Variants in TNS4 observed in about 807,000 individuals in gnomAD.
TNS4 encodes the protein tensin 4.
In TNS4, 46 loss-of-function variants were observed where a neutral mutation model predicts 70.4. The ratio of observed to expected loss-of-function variants is 0.65; its 90% CI spans 0.52 to 0.84. The LOEUF (loss-of-function observed/expected upper bound fraction) is 0.84. TNS4 is among the 40% of genes least tolerant of loss of function. The probability of loss-of-function intolerance (pLI) is 0.00; values close to 1 mark genes in which losing one functional copy is unlikely to be tolerated. For synonymous variants in TNS4, 390 were observed against 366.6 expected, an observed-to-expected ratio of 1.06 and a Z score of -0.73; for missense variants, 863 against 907.0, an observed-to-expected ratio of 0.95 and a Z score of 0.62.
At chr17:40,487,712 C>T (rs1456474230) in intron 3 of TNS4, among the ~76,000 whole-genome samples, 1 of 152,224 alleles carries the variant, frequency 6.6e-6, no homozygotes, top group Non-Finnish European at 1.5e-5. Flanking sequence ...CCCCTGCAGG[C>T]TTTGGGCATA....
chr17:40,501,145 G>A (rs1326530114), intron 1 of TNS4, among the ~76,000 whole-genome samples: 1 of 152,196 alleles, frequency 6.6e-6, no homozygotes, highest in Admixed American at 6.6e-5. Flanking sequence ...CTGAGAAATG[G>A]AGAAGCTGAA....
chr17:40,482,917 TG>T lies in TNS4; in HGVS notation c.1502-502del, dbSNP rs1278602390. 1.5e-4 allele frequency among the ~76,000 whole-genome samples: 23 copies of T among 151,390 alleles called. No individual in the cohort carries two copies. In the East Asian group the frequency reaches 4.1e-3, roughly 27 times the overall value. On this transcript the variant is annotated intron_variant, in intron 6 of 12. Coordinates refer to ENST00000254051, the MANE Select transcript of TNS4 (RefSeq NM_032865.6). ...TCTTCTTCTTTTTTTGGGGGTGGGGTGGGGAAACCTTTCTGCTGGTCAAGAG... is the reference window on the plus strand; with the variant it reads ...TCTTCTTCTTTTTTTGGGGGTGGGGTGGGAAACCTTTCTGCTGGTCAAGAG...
chr17:40,478,467 C>A, intron 11 of TNS4, 113 bp downstream of exon 11: 1 of 1,542,240 alleles, frequency 6.5e-7, no homozygotes, highest in Non-Finnish European at 8.9e-7. Flanking sequence ...TCACCCTGAC[C>A]CCTTGAGGTT....
chr17:40,484,517 G>T lies in TNS4; in HGVS notation c.1468C>A (p.Gln490Lys). The T allele has an allele frequency of 6.2e-7, 1 of 1,612,256 alleles. No individual in the cohort carries two copies. Among genetic ancestry groups the T allele is most frequent in the Non-Finnish European group, 8.5e-7 (1 of 1,179,998 alleles). Reference sequence around the variant, plus strand: ...CTCTGAGCAGACGCGGGAACCTCCTGCACCTTCAGGGCCAGGCCGAAGGAG... The same window carrying T: ...CTCTGAGCAGACGCGGGAACCTCCTTCACCTTCAGGGCCAGGCCGAAGGAG... ...RGSFGLALKV[Q>K]EVPASAQSRP... Residue 490 changes from glutamine (Q) to lysine (K), a missense_variant, in exon 6 of 13, where the codon CAG (glutamine) becomes AAG (lysine). Gln to Lys is a moderately conservative substitution (Grantham distance 53). Coordinates refer to ENST00000254051, the MANE Select transcript of TNS4 (RefSeq NM_032865.6).
At position 40,477,423 on chromosome 17, in the gene TNS4, G is replaced by T; in HGVS notation, c.*165C>A. 1.2e-6 allele frequency: 1 copy of T among 842,418 alleles called. No individual in the cohort carries two copies. Among genetic ancestry groups the T allele is most frequent in the Non-Finnish European group, 1.8e-6 (1 of 562,536 alleles). 52.2% of individuals were successfully genotyped at this position (842,418 alleles called of 1,614,324 possible). On this transcript the variant is annotated 3_prime_UTR_variant, in exon 13 of 13. Transcript: ENST00000254051. ...CCGGGGGGTCTGGATGATGGTGACTGCTGAAGGCCATAGCAGGTTCAAGGG... is the reference window on the plus strand; with the variant it reads ...CCGGGGGGTCTGGATGATGGTGACTTCTGAAGGCCATAGCAGGTTCAAGGG...
At chr17:40,492,358 C>T (rs1014401557) in intron 2 of TNS4, among the ~76,000 whole-genome samples, 1 of 144,726 alleles carries the variant, frequency 6.9e-6, no homozygotes, top group Non-Finnish European at 1.5e-5. Context: ...ACACTGGGAT[C>T]ATGGATTACA....
chr17:40,478,720 C>T (rs570458360), intron 10 of TNS4, 72 bp from the exon 11 acceptor site: 183 of 1,548,486 alleles, frequency 1.2e-4, no homozygotes, highest in African/African-American at 2.2e-4. Context: ...CAGCATCTCT[C>T]GTTCCCCCCA....
rs2036140333 is a variant in TNS4, at chr17:40,496,174, A to C, written c.252T>G (p.Gly84=). 1 of 1,608,762 alleles carries C rather than the reference A, an allele frequency of 6.2e-7. No homozygotes were observed. Among genetic ancestry groups the C allele is most frequent in the Admixed American group, 1.7e-5 (1 of 59,106 alleles). The change falls in exon 2 of 13, where the codon GGT becomes GGG. Residue 84 remains glycine (G), a synonymous_variant. Coordinates refer to ENST00000254051, the MANE Select transcript of TNS4 (RefSeq NM_032865.6). Reference sequence around the variant, plus strand: ...CCTCTGGGGTCCCCAAGGCCTTCTCACCAGGGGACGGCAGGAAGCAGGTGG... The same window carrying C: ...CCTCTGGGGTCCCCAAGGCCTTCTCCCCAGGGGACGGCAGGAAGCAGGTGG... ...AKATCFLPSP[G]EKALGTPEDL...
chr17:40,477,735 G>T lies in TNS4; in HGVS notation c.2007-6C>A, dbSNP rs199638359. ...TGGCCACAAACCCAAAGATCCTGGTGGGGGAGGGCAGTCTGAGTGAGGGGT... is the reference window on the plus strand; with the variant it reads ...TGGCCACAAACCCAAAGATCCTGGTTGGGGAGGGCAGTCTGAGTGAGGGGT... On this transcript the variant is annotated splice_region_variant and splice_polypyrimidine_tract_variant and intron_variant, in intron 12 of 12. Coordinates refer to ENST00000254051, the MANE Select transcript of TNS4 (RefSeq NM_032865.6). 4.1e-5 allele frequency: 66 copies of T among 1,613,494 alleles called. No homozygotes were observed. Among genetic ancestry groups the T allele is most frequent in the African/African-American group, 5.3e-5 (4 of 74,912 alleles).
intron 2 of TNS4, among the ~76,000 whole-genome samples, chr17:40,495,695 C>A (rs573386878): frequency 6.6e-6 from 1 of 152,094 alleles, no homozygotes; most frequent in Non-Finnish European, 1.5e-5. Context: ...TTTATGGGCA[C>A]GGCACTGCAC....
At chr17:40,479,640 G>T (rs766199935) in intron 10 of TNS4, 34 bp downstream of exon 10, 4 of 1,599,392 alleles carry the variant, frequency 2.5e-6, no homozygotes, top group Non-Finnish European at 3.4e-6. Flanking sequence ...TACTCCGCCA[G>T]CCCCGGAGCC....
chr17:40,492,291 G>A (rs955288371), intron 2 of TNS4, among the ~76,000 whole-genome samples: 4 of 152,158 alleles, frequency 2.6e-5, no homozygotes, highest in East Asian at 1.9e-4. Context: ...TACCCACCCC[G>A]AGCCTCAGTT....
rs1302225745 is a variant in TNS4, at chr17:40,496,470, G to A, written c.-45C>T. On this transcript the variant is annotated 5_prime_UTR_variant, in exon 2 of 13. Coordinates refer to ENST00000254051, the MANE Select transcript of TNS4 (RefSeq NM_032865.6). ...GCAGTTTACCTCTGGTCTTCAACCA[G>A]CCTCACTGACATCCCAGAGATCTCA... 1.3e-6 allele frequency: 2 copies of A among 1,563,924 alleles called. No individual in the cohort carries two copies. The highest frequency in any genetic ancestry group is 2.4e-5 in the South Asian group (2 of 84,994).
intron 2 of TNS4, among the ~76,000 whole-genome samples, chr17:40,494,730 A>C (rs1370117387): frequency 7.7e-5 from 1 of 12,948 alleles, no homozygotes; most frequent in African/African-American, 1.7e-4. Context: ...ACTCCATTGC[A>C]AAAAAAAAAA....
At chr17:40,493,794 G>A (rs190386049) in intron 2 of TNS4, among the ~76,000 whole-genome samples, 15 of 152,356 alleles carry the variant, frequency 9.8e-5, no homozygotes, top group Middle Eastern at 3.4e-3. Context: ...TTCCGTGGAG[G>A]AAGGGCCTAG....
At chr17:40,480,019 G>A in intron 9 of TNS4, 177 bp from the exon 10 acceptor site, 1 of 743,450 alleles carries the variant, frequency 1.3e-6, no homozygotes, top group Non-Finnish European at 2.1e-6. Context: ...CAACCCCAGA[G>A]GGCTTTGGGA....
At chr17:40,483,915 C>T (rs1015916951) in intron 6 of TNS4, among the ~76,000 whole-genome samples, 3 of 152,180 alleles carry the variant, frequency 2.0e-5, no homozygotes, top group Admixed American at 6.5e-5. Flanking sequence ...CTGTAATCAT[C>T]TGTTTTCATC....
chr17:40,487,413 G>A lies in TNS4; in HGVS notation c.911C>T (p.Ser304Phe). 1 of 1,613,444 alleles carries A rather than the reference G, an allele frequency of 6.2e-7. No homozygotes were observed. The highest frequency in any genetic ancestry group is 1.1e-5 in the South Asian group (1 of 91,068). ...HSSNSSHQSSSRSLESPANSS... is the reference protein window; with the variant it reads ...HSSNSSHQSSFRSLESPANSS... The stretch of plus-strand genomic sequence containing the variant: ...GTTGGCTGGACTTTCCAAGGATCTG[G>A]AAGATGACTGATGGCTGGAGTTGCT... Residue 304 changes from serine (S) to phenylalanine (F), a missense_variant, in exon 4 of 13, where the codon TCC becomes TTC. By Grantham distance (155) the Ser-to-Phe change is radical (BLOSUM62 -2). Transcript: ENST00000254051.
chr17:40,488,783 C>T lies in TNS4; in HGVS notation c.626G>A (p.Arg209Lys), dbSNP rs914903292. The T allele has an allele frequency of 1.2e-6, 2 of 1,612,384 alleles. No homozygotes were observed. Among genetic ancestry groups the T allele is most frequent in the Non-Finnish European group, 1.7e-6 (2 of 1,179,506 alleles). The change falls in exon 3 of 13, where the codon AGG (arginine) becomes AAG (lysine). Residue 209 changes from arginine (R) to lysine (K), a missense_variant. Transcript: ENST00000254051. ...ESLIFSGNQG[R>K]GHQRPLPPSE... ...GGGGGGCAGAGGGCGCTGGTGCCCC[C>T]TGCCCTGGTTCCCAGAGAAGATGAG...
Sources: allele counts gnomAD v4.1 joint callset (sites outside exome capture counted in the v4.1 genomes callset), GRCh38; gene constraint gnomAD v4.1.1; transcripts MANE v1.5; gene names NCBI Gene and HGNC (gene_info 2026-07-23, HGNC 2026-07-21).